Variants in ZNF506 observed in about 807,000 individuals in gnomAD.
The protein encoded by ZNF506 is zinc finger protein 506.
In ZNF506, 10 loss-of-function variants were observed where a neutral mutation model predicts 11.6. The observed-to-expected ratio is 0.86, with a 90% CI of 0.53 to 1.46. The LOEUF is 1.46. ZNF506 is among the 40% of genes most tolerant of loss of function. The pLI is 0.00. For synonymous variants in ZNF506, 156 were observed against 173.3 expected, an observed-to-expected ratio of 0.90 and a Z score of 0.78; for missense variants, 425 against 521.2, an observed-to-expected ratio of 0.82 and a Z score of 1.80.
At chr19:19,813,919 A>G (rs2145201955) in intron 1 of ZNF506, among the ~76,000 whole-genome samples, 1 of 152,282 alleles carries the variant, frequency 6.6e-6, no homozygotes, top group South Asian at 2.1e-4. Flanking sequence ...TTGAGGCTAA[A>G]GTAATCCAAT....
intron 3 of ZNF506, chr19:19,798,338 C>T (rs2062759767): frequency 6.6e-6 from 1 of 151,960 alleles, no homozygotes; most frequent in South Asian, 2.1e-4. Flanking sequence ...TTAGATAATC[C>T]CCCAAGGTAC....
chr19:19,815,538 C>G (rs1599527972), intron 1 of ZNF506, among the ~76,000 whole-genome samples: 1 of 152,300 alleles, frequency 6.6e-6, no homozygotes. Context: ...CCTCCCATTC[C>G]CAATCACCCA....
chr19:19,811,316 T>C (rs1340924227), intron 1 of ZNF506, among the ~76,000 whole-genome samples: 3 of 152,090 alleles, frequency 2.0e-5, no homozygotes, highest in African/African-American at 7.2e-5. Context: ...TGCATCACCA[T>C]GCCTGGCTAA....
intron 1 of ZNF506, among the ~76,000 whole-genome samples, chr19:19,815,573 C>T (rs975881059): frequency 6.6e-5 from 10 of 152,330 alleles, no homozygotes; most frequent in South Asian, 4.1e-4. Context: ...GCCAGGCCTC[C>T]GTGGTATCTT....
Position 19,794,601 on chromosome 19 carries a change from T to C in ZNF506, c.1286A>G (p.Asn429Ser), listed in dbSNP as rs1367384180. ...AGGAACATTTAAAAGATTTTCCACA[T>C]TCTTCACTATGCAGGGTTTCTGTCT... is the stretch of plus-strand genomic sequence containing the variant. ...HIRQKPCIVK[N>S]VENLLNVPQP... The change falls in exon 4 of 4, where the codon AAT becomes AGT. Residue 429 changes from asparagine (N) to serine (S), a missense_variant. Physicochemically the swap from Asn to Ser is conservative, Grantham distance 46 (BLOSUM62 1). This residue lies in a region of ZNF506 where 192 missense variants were observed against 215.7 expected (regional missense o/e 0.89). Transcript: ENST00000540806. 1.2e-6 allele frequency: 2 copies of C among 1,607,076 alleles called. No individual in the cohort carries two copies. Among genetic ancestry groups the C allele is most frequent in the African/African-American group, 2.7e-5 (2 of 74,402 alleles).
chr19:19,821,696 A>G lies in ZNF506; in HGVS notation c.-93T>C. On this transcript the variant is annotated 5_prime_UTR_variant, in exon 1 of 4. Coordinates refer to ENST00000540806, the MANE Select transcript of ZNF506 (RefSeq NM_001099269.3). ...ACAGAGGCTGGGCCTCTAGGAGCTG[A>G]CGGCACAGAGCAGTGAAGACGATAG... The G allele has an allele frequency of 6.6e-7, 1 of 1,504,298 alleles. No individual in the cohort carries two copies. Among genetic ancestry groups the G allele is most frequent in the Non-Finnish European group, 9.2e-7 (1 of 1,081,242 alleles). 93.2% of individuals were successfully genotyped at this position (1,504,298 alleles called of 1,614,324 possible). A position where few individuals can be genotyped will look rare whatever the true frequency, so the allele number is the denominator to read the frequency against.
Position 19,795,024 on chromosome 19 carries a change from T to TCA in ZNF506, c.861_862dup (p.Asp288ValfsTer19), listed in dbSNP as rs2062727246. 6.2e-7 allele frequency: 1 copy of TCA among 1,613,904 alleles called. No homozygotes were observed. Among genetic ancestry groups the TCA allele is most frequent in the Non-Finnish European group, 8.5e-7 (1 of 1,179,968 alleles). On this transcript the variant is annotated frameshift_variant, in exon 4 of 4. Transcript: ENST00000540806. LOFTEE classifies it low-confidence loss of function (END_TRUNC). ...TGAAATAAAGGCTTTGCCACATTTA[T>TCA]CACACTTGTATGGTTTCTCTCCAGT...
chr19:19,805,709 G>C (rs2062830368), intron 3 of ZNF506, among the ~76,000 whole-genome samples: 1 of 152,062 alleles, frequency 6.6e-6, no homozygotes, highest in Admixed American at 6.6e-5. Context: ...ATACTTGTGT[G>C]TCCCCAAAAC....
chr19:19,821,532 ACAGCCACTTCCTCCCCAGTTCCAAC>A (rs2062967100), intron 1 of ZNF506, 44 bp downstream of exon 1: 1 of 1,609,476 alleles, frequency 6.2e-7, no homozygotes, highest in African/African-American at 1.3e-5. Flanking sequence ...TGCCACAGCC[ACAGCCACTTCCTCCCCAGTTCCAAC>A]CAGCCCCTCT....
chr19:19,807,155 G>A, intron 1 of ZNF506, 87 bp from the exon 2 acceptor site: 2 of 1,591,952 alleles, frequency 1.3e-6, no homozygotes, highest in Middle Eastern at 3.4e-4. Flanking sequence ...AGAGTAAAGA[G>A]AAGTGGTTCT....
chr19:19,801,972 G>A (rs2062797742), intron 3 of ZNF506, among the ~76,000 whole-genome samples: 1 of 151,538 alleles, frequency 6.6e-6, no homozygotes, highest in Non-Finnish European at 1.5e-5. Context: ...GGGAGGCCGA[G>A]GCGGGCAGAT....
chr19:19,810,929 A>G (rs1342777330), intron 1 of ZNF506, among the ~76,000 whole-genome samples: 1 of 152,090 alleles, frequency 6.6e-6, no homozygotes, highest in Non-Finnish European at 1.5e-5. Context: ...GTCAGAACTA[A>G]ATAGTCTCCA....
chr19:19,795,490 G>C lies in ZNF506; in HGVS notation c.397C>G (p.Leu133Val), dbSNP rs370841488. Residue 133 changes from leucine (L) to valine (V), a missense_variant, in exon 4 of 4, where the codon CTT becomes GTT. Transcript: ENST00000540806. ...CPVHKRGYNGLKQCLATTQRK... is the reference protein window; with the variant it reads ...CPVHKRGYNGVKQCLATTQRK... Reference sequence around the variant, plus strand: ...TGGGTAGTTGCCAAACATTGTTTAAGTCCATTATAACCTCTTTTGTGCACT... The same window carrying C: ...TGGGTAGTTGCCAAACATTGTTTAACTCCATTATAACCTCTTTTGTGCACT... 62 of 1,596,632 alleles carry C rather than the reference G, an allele frequency of 3.9e-5. 1 individual carries two copies. The highest frequency in any genetic ancestry group is 4.9e-5 in the Non-Finnish European group (58 of 1,173,828).
At chr19:19,802,420 T>C (rs1375173278) in intron 3 of ZNF506, among the ~76,000 whole-genome samples, 1 of 152,098 alleles carries the variant, frequency 6.6e-6, no homozygotes, top group Admixed American at 6.5e-5. Flanking sequence ...TTAAATATCT[T>C]CTTACACAAA....
rs1042047382 is a variant in ZNF506 at position 19,792,831 on chromosome 19, C to A, written c.*1721G>T. Among the ~76,000 whole-genome samples the A allele has an allele frequency of 2.8e-4, 43 of 151,514 alleles. No individual in the cohort carries two copies. Among genetic ancestry groups the A allele is most frequent in the African/African-American group, 9.5e-4 (39 of 40,932 alleles). On this transcript the variant is annotated 3_prime_UTR_variant, in exon 4 of 4. Transcript: ENST00000540806. The stretch of plus-strand genomic sequence containing the variant: ...CCATCCAAAAGACAAAGCAAAACAT[C>A]AACATTAAGTCATAGGCTAGGATTA...
chr19:19,805,701 AC>A (rs2062830233), intron 3 of ZNF506, among the ~76,000 whole-genome samples: 1 of 152,162 alleles, frequency 6.6e-6, no homozygotes, highest in Non-Finnish European at 1.5e-5. Flanking sequence ...TCATGCAGAT[AC>A]TTGTGTGTCC....
chr19:19,799,594 C>T (rs1345327628), intron 3 of ZNF506: 9 of 452,666 alleles, frequency 2.0e-5, no homozygotes, highest in South Asian at 4.2e-5. Flanking sequence ...TGATACAATA[C>T]ACTCTTGAGC....
At position 19,806,093 on chromosome 19, in the gene ZNF506, CA is replaced by C; in HGVS notation, c.163del (p.Cys55ValfsTer9). 1.2e-6 allele frequency: 2 copies of C among 1,606,420 alleles called. No homozygotes were observed. The highest frequency in any genetic ancestry group is 1.7e-6 in the Non-Finnish European group (2 of 1,178,010). Reference protein sequence around the residue: ...IVVSKPNLITCLEQGKKPLTM... With the variant: ...IVVSKPNLITXLEQGKKPLTM... ...TAAAGGTTTTTTTCCTTGCTCCAGA[CA>C]GGTGATCAGGTTTGGTTTAGAGACA... is the stretch of plus-strand genomic sequence containing the variant. On this transcript the variant is annotated frameshift_variant, in exon 3 of 4. Coordinates refer to ENST00000540806, the MANE Select transcript of ZNF506 (RefSeq NM_001099269.3). LOFTEE classifies it high-confidence loss of function.
intron 3 of ZNF506, among the ~76,000 whole-genome samples, chr19:19,805,411 C>T (rs1366961532): frequency 6.6e-6 from 1 of 151,824 alleles, no homozygotes; most frequent in Non-Finnish European, 1.5e-5. Flanking sequence ...ATTCAATGAA[C>T]TTCCTATTAA....
Sources: allele counts gnomAD v4.1 joint callset (sites outside exome capture counted in the v4.1 genomes callset), GRCh38; gene constraint gnomAD v4.1.1; regional missense constraint gnomAD v4.1.1; transcripts MANE v1.5; gene names NCBI Gene and HGNC (gene_info 2026-07-23, HGNC 2026-07-21).